Variants in PPARGC1A observed in about 807,000 individuals in gnomAD.
PPARGC1A encodes the protein peroxisome proliferator-activated receptor gamma coactivator 1-alpha.
Under a neutral mutation model 88.7 loss-of-function variants are expected in PPARGC1A, and 25 were observed. The observed-to-expected ratio is 0.28, with a 90% confidence interval of 0.21 to 0.39. The LOEUF is 0.39. Ranked by LOEUF, PPARGC1A falls within the 10% of genes least tolerant of loss-of-function variation. The pLI is 1.00. For synonymous variants in PPARGC1A, 363 were observed against 355.6 expected (o/e 1.02, Z -0.24); for missense variants, 880 against 968.7 (o/e 0.91, Z 1.22).
chr4:23,996,592 ACT>A, the PPARGC1A span, among the ~76,000 whole-genome samples: 56 of 151,584 alleles, frequency 3.7e-4, no homozygotes, highest in African/African-American at 1.4e-3. Context: ...TCCCAACCCC[ACT>A]CTGTTTCTCT....
At chr4:24,010,949 GA>G in the PPARGC1A span, among the ~76,000 whole-genome samples, 16 of 152,238 alleles carry the variant, frequency 1.1e-4, 1 homozygote, top group East Asian at 1.5e-3. Context: ...GCATCATACA[GA>G]AATTCAGGGA....
intron 10 of PPARGC1A, among the ~76,000 whole-genome samples, chr4:23,805,117 T>G (rs937991091): frequency 7.0e-5 from 10 of 143,528 alleles, no homozygotes; most frequent in African/African-American, 2.2e-4. Context: ...TTAATCATCT[T>G]GAACACTTAT....
At chr4:24,273,774 A>C in the PPARGC1A span, among the ~76,000 whole-genome samples, 1 of 130,894 alleles carries the variant, frequency 7.6e-6, no homozygotes, top group African/African-American at 2.9e-5. Flanking sequence ...CTTGTTGCCC[A>C]GGCTGGAGTG....
the PPARGC1A span, among the ~76,000 whole-genome samples, chr4:24,415,472 G>T: frequency 1.8e-4 from 27 of 152,144 alleles, no homozygotes; most frequent in Non-Finnish European, 2.4e-4. Context: ...GAGGCCAAAG[G>T]TTTTGATTCT....
the PPARGC1A span, among the ~76,000 whole-genome samples, chr4:24,368,694 C>T: frequency 6.6e-6 from 1 of 152,094 alleles, no homozygotes; most frequent in Non-Finnish European, 1.5e-5. Context: ...TTCCAATGGG[C>T]TGTGCAATAA....
chr4:23,913,147 ACTCTCT>A, the PPARGC1A span, among the ~76,000 whole-genome samples: 1 of 143,346 alleles, frequency 7.0e-6, no homozygotes, highest in African/African-American at 2.5e-5. Flanking sequence ...ACACACATAC[ACTCTCT>A]CTCTCTCAAC....
At chr4:23,880,164 C>T (rs1327731647) in intron 2 of PPARGC1A, 1 of 152,156 alleles carries the variant, frequency 6.6e-6, no homozygotes, top group South Asian at 2.1e-4. Flanking sequence ...CATGAATATA[C>T]AGTCTTGTAT....
the PPARGC1A span, among the ~76,000 whole-genome samples, chr4:24,237,348 T>G: frequency 6.6e-6 from 1 of 152,120 alleles, no homozygotes; most frequent in Non-Finnish European, 1.5e-5. Flanking sequence ...ATAAAGGAAT[T>G]GAGATGGAGG....
chr4:23,804,668 T>C (rs1288526433), intron 10 of PPARGC1A, among the ~76,000 whole-genome samples: 3 of 152,208 alleles, frequency 2.0e-5, no homozygotes. Flanking sequence ...GCTTTATCTC[T>C]TATATCGCAT....
upstream of PPARGC1A, among the ~76,000 whole-genome samples, chr4:23,903,505 T>C (rs531855805): frequency 1.3e-5 from 2 of 152,336 alleles, no homozygotes; most frequent in Admixed American, 6.5e-5. Context: ...GAGAGCATCA[T>C]ATTTCTGGAG....
At chr4:23,949,201 T>C in the PPARGC1A span, among the ~76,000 whole-genome samples, 3,502 of 152,210 alleles carry the variant, frequency 0.023, 132 homozygotes, top group African/African-American at 0.08. Context: ...ATGTACTACA[T>C]ACATAGATGA....
chr4:23,928,770 C>A, the PPARGC1A span, among the ~76,000 whole-genome samples: 960 of 135,632 alleles, frequency 7.1e-3, 18 homozygotes, highest in African/African-American at 0.014. Flanking sequence ...ACAAAAAAAA[C>A]AAAAAAAAAC....
the PPARGC1A span, among the ~76,000 whole-genome samples, chr4:24,427,373 T>G: frequency 6.6e-6 from 1 of 151,674 alleles, no homozygotes; most frequent in Non-Finnish European, 1.5e-5. Context: ...CTCCACCTCC[T>G]GGGCTCAAGC....
chr4:24,308,661 G>A, the PPARGC1A span, among the ~76,000 whole-genome samples: 1 of 152,166 alleles, frequency 6.6e-6, no homozygotes, highest in East Asian at 1.9e-4. Context: ...AAGTGTGAGG[G>A]TGAGAGGAAG....
the PPARGC1A span, among the ~76,000 whole-genome samples, chr4:24,313,637 G>A: frequency 1.3e-5 from 2 of 152,208 alleles, no homozygotes; most frequent in African/African-American, 2.4e-5. Flanking sequence ...AGAGAAGGGA[G>A]CTTTCATCCA....
the PPARGC1A span, among the ~76,000 whole-genome samples, chr4:24,002,887 C>T: frequency 6.6e-6 from 1 of 152,102 alleles, no homozygotes; most frequent in Non-Finnish European, 1.5e-5. Flanking sequence ...CTGTAAGGGA[C>T]CCACATTAGA....
chr4:24,253,027 T>C, the PPARGC1A span, among the ~76,000 whole-genome samples: 12 of 152,162 alleles, frequency 7.9e-5, no homozygotes, highest in African/African-American at 2.9e-4. Context: ...GGACTCCCAT[T>C]TACTTTTGAA....
the PPARGC1A span, among the ~76,000 whole-genome samples, chr4:24,286,025 A>G: frequency 1.3e-5 from 2 of 152,136 alleles, no homozygotes; most frequent in Admixed American, 1.3e-4. Context: ...TACAGCAGCA[A>G]TCCCCTGAGG....
At chr4:23,907,526 C>A (rs901204802), upstream of PPARGC1A, among the ~76,000 whole-genome samples, 1 of 152,122 alleles carries the variant, frequency 6.6e-6, no homozygotes, top group Non-Finnish European at 1.5e-5. Flanking sequence ...AGTGTGAAGT[C>A]CACTTCAGTA....
Sources: allele counts gnomAD v4.1 joint callset (sites outside exome capture counted in the v4.1 genomes callset), GRCh38; gene constraint gnomAD v4.1.1; transcripts MANE v1.5; gene names NCBI Gene and HGNC (gene_info 2026-07-23, HGNC 2026-07-21).